Variants in PTK2 observed in about 807,000 individuals in gnomAD.
PTK2 encodes focal adhesion kinase 1.
PTK2 carries 45 observed loss-of-function variants against 150.1 expected under a neutral mutation model. The ratio of observed to expected loss-of-function variants is 0.30; its 90% confidence interval spans 0.24 to 0.38. PTK2 has a LOEUF of 0.38. Ranked by LOEUF, PTK2 falls within the 10% of genes least tolerant of loss-of-function variation. The pLI is 1.00. For synonymous variants in PTK2, 432 were observed against 449.2 expected, an observed-to-expected ratio of 0.96 and a Z score of 0.48; for missense variants, 919 against 1,307.3, an observed-to-expected ratio of 0.70 and a Z score of 4.58.
intron 1 of PTK2, among the ~76,000 whole-genome samples, chr8:140,953,879 G>A (rs912133608): frequency 1.3e-5 from 2 of 151,886 alleles, no homozygotes; most frequent in South Asian, 2.1e-4. Flanking sequence ...TCAAATTCCC[G>A]TGATCCAGGC....
chr8:140,752,685 T>C (rs2100063472), intron 16 of PTK2, among the ~76,000 whole-genome samples: 1 of 152,210 alleles, frequency 6.6e-6, no homozygotes, highest in Non-Finnish European at 1.5e-5. Flanking sequence ...AATAAAGAAT[T>C]AATTACATAG....
chr8:140,967,031 T>C (rs1390503297), intron 1 of PTK2, among the ~76,000 whole-genome samples: 1 of 152,230 alleles, frequency 6.6e-6, no homozygotes, highest in African/African-American at 2.4e-5. Flanking sequence ...AGCAGCTTCA[T>C]GTGTGTGGAG....
chr8:140,979,222 G>C (rs2100190484), intron 1 of PTK2, among the ~76,000 whole-genome samples: 1 of 150,494 alleles, frequency 6.6e-6, no homozygotes, highest in South Asian at 2.1e-4. Flanking sequence ...TAACAAACCT[G>C]CACGTTGTGC....
chr8:140,985,040 T>C (rs983177517), intron 1 of PTK2, among the ~76,000 whole-genome samples: 1 of 152,194 alleles, frequency 6.6e-6, no homozygotes, highest in African/African-American at 2.4e-5. Context: ...CCAACACAAC[T>C]GTAATAACAT....
chr8:140,953,883 TC>T (rs1569457039), intron 1 of PTK2, among the ~76,000 whole-genome samples: 1 of 152,176 alleles, frequency 6.6e-6, no homozygotes, highest in African/African-American at 2.4e-5. Flanking sequence ...ATTCCCGTGA[TC>T]CAGGCATGCA....
intron 1 of PTK2, among the ~76,000 whole-genome samples, chr8:140,999,609 T>C (rs915767566): frequency 1.3e-5 from 2 of 152,224 alleles, no homozygotes; most frequent in South Asian, 2.1e-4. Context: ...CAAAAATACG[T>C]TGAATGCTAG....
intron 23 of PTK2, among the ~76,000 whole-genome samples, chr8:140,711,737 A>T (rs1442234826): frequency 1.3e-5 from 2 of 152,214 alleles, no homozygotes; most frequent in Non-Finnish European, 2.9e-5. Context: ...GTCCACAAAC[A>T]GGTGTAAGGA....
At chr8:140,895,223 C>CT (rs1193750558) in intron 2 of PTK2, among the ~76,000 whole-genome samples, 1 of 152,144 alleles carries the variant, frequency 6.6e-6, no homozygotes, top group Admixed American at 6.5e-5. Flanking sequence ...CAGAGCTATA[C>CT]TTAGAGTAAA....
intron 17 of PTK2, among the ~76,000 whole-genome samples, chr8:140,750,640 G>C (rs1434174399): frequency 6.6e-6 from 1 of 152,230 alleles, no homozygotes; most frequent in Non-Finnish European, 1.5e-5. Context: ...ATCACCGCTT[G>C]AGGGCAGGTA....
chr8:140,954,989 C>CCTGT (rs887908793), intron 1 of PTK2, among the ~76,000 whole-genome samples: 2 of 152,028 alleles, frequency 1.3e-5, no homozygotes, highest in Admixed American at 6.6e-5. Context: ...TTGGAAAAGG[C>CCTGT]CTGTCTTCAA....
chr8:140,788,398 G>C (rs2100086259), intron 14 of PTK2, among the ~76,000 whole-genome samples: 1 of 152,092 alleles, frequency 6.6e-6, no homozygotes, highest in Non-Finnish European at 1.5e-5. Context: ...AAACAAACAA[G>C]GAAGCCAGGC....
At chr8:140,887,220 G>C (rs1009841139) in intron 3 of PTK2, among the ~76,000 whole-genome samples, 1 of 152,178 alleles carries the variant, frequency 6.6e-6, no homozygotes, top group African/African-American at 2.4e-5. Context: ...GAGAGTGCTT[G>C]TGTGACCCTC....
At chr8:140,894,169 G>A (rs1469920261) in intron 2 of PTK2, among the ~76,000 whole-genome samples, 2 of 152,092 alleles carry the variant, frequency 1.3e-5, no homozygotes, top group African/African-American at 4.8e-5. Context: ...TGGGATTAGT[G>A]CCCTTGTGAA....
At chr8:140,937,905 T>A (rs575612650) in intron 1 of PTK2, among the ~76,000 whole-genome samples, 24 of 152,248 alleles carry the variant, frequency 1.6e-4, no homozygotes, top group Middle Eastern at 3.4e-3. Flanking sequence ...CCAGGCAACA[T>A]AGCAACACCC....
chr8:140,818,240 GT>G, intron 10 of PTK2, 36 bp downstream of exon 10: 10 of 1,534,366 alleles, frequency 6.5e-6, no homozygotes, highest in Non-Finnish European at 9.0e-6. Flanking sequence ...TCTTCTTTGT[GT>G]AACGCCAAGT....
intron 14 of PTK2, among the ~76,000 whole-genome samples, chr8:140,766,869 CATCATCTGCCTTGT>C (rs2100072595): frequency 6.6e-6 from 1 of 152,226 alleles, no homozygotes; most frequent in Admixed American, 6.5e-5. Context: ...GGTAAAATAA[CATCATCTGCCTTGT>C]AGCACTGTTA....
At chr8:140,701,147 T>A in intron 25 of PTK2, 125 bp from the exon 29 acceptor site, 1 of 1,129,582 alleles carries the variant, frequency 8.9e-7, no homozygotes, top group Non-Finnish European at 1.2e-6. Context: ...GGATCTCTCA[T>A]ACTGTGCTTG....
At chr8:140,775,711 ACTG>A (rs1270501982) in intron 14 of PTK2, among the ~76,000 whole-genome samples, 2 of 152,096 alleles carry the variant, frequency 1.3e-5, no homozygotes, top group Non-Finnish European at 2.9e-5. Flanking sequence ...GGCCCTGAAA[ACTG>A]CAAATGCTTT....
chr8:140,963,372 A>T (rs960553558), intron 1 of PTK2, among the ~76,000 whole-genome samples: 2 of 152,202 alleles, frequency 1.3e-5, no homozygotes, highest in African/African-American at 4.8e-5. Context: ...AGCCAAGCTA[A>T]GAATCAAATT....
Sources: gnomAD v4.1 joint callset for allele counts (sites outside exome capture counted in the v4.1 genomes callset) on GRCh38, gnomAD v4.1.1 for gene constraint, MANE v1.5 for transcripts, NCBI Gene and HGNC (gene_info 2026-07-23, HGNC 2026-07-21) for gene names.